CCDC192: variants seen among roughly 807,000 people sequenced by gnomAD.
CCDC192 encodes coiled-coil domain-containing protein 192.
chr5:127,806,427 C>CTTG (rs1757785110), intron 5 of CCDC192, among the ~76,000 whole-genome samples: 1 of 152,162 alleles, frequency 6.6e-6, no homozygotes, highest in African/African-American at 2.4e-5. Context: ...CCTACCGCCC[C>CTTG]CAGCTACCGT....
intron 2 of CCDC192, among the ~76,000 whole-genome samples, chr5:127,729,937 A>T (rs888415747): frequency 6.6e-6 from 1 of 152,162 alleles, no homozygotes; most frequent in Non-Finnish European, 1.5e-5. Context: ...TCTCAAATCG[A>T]CATCGTAATA....
At chr5:127,776,471 C>T (rs1389973444) in intron 3 of CCDC192, among the ~76,000 whole-genome samples, 1 of 152,182 alleles carries the variant, frequency 6.6e-6, no homozygotes, top group Non-Finnish European at 1.5e-5. Context: ...CATAAAAGTT[C>T]AGAAAATTTG....
intron 6 of CCDC192, among the ~76,000 whole-genome samples, chr5:127,910,724 C>T (rs1046555242): frequency 6.6e-6 from 1 of 152,168 alleles, no homozygotes; most frequent in Non-Finnish European, 1.5e-5. Context: ...AAGTAGAGGA[C>T]CACTGACTCT....
chr5:127,837,774 G>A (rs936306682), intron 5 of CCDC192, among the ~76,000 whole-genome samples: 7 of 152,172 alleles, frequency 4.6e-5, no homozygotes, highest in Non-Finnish European at 8.8e-5. Flanking sequence ...CAGATCATGA[G>A]GTCGGGAGAT....
intron 2 of CCDC192, among the ~76,000 whole-genome samples, chr5:127,739,364 A>C (rs970826785): frequency 6.6e-6 from 1 of 152,076 alleles, no homozygotes; most frequent in Non-Finnish European, 1.5e-5. Flanking sequence ...AAGTCTGCAG[A>C]GGTTACTGCT....
intron 2 of CCDC192, among the ~76,000 whole-genome samples, chr5:127,717,856 A>G (rs1286746814): frequency 6.7e-6 from 1 of 149,210 alleles, no homozygotes; most frequent in Non-Finnish European, 1.5e-5. Flanking sequence ...TGGAAGTAAA[A>G]TCATATTATG....
intron 5 of CCDC192, among the ~76,000 whole-genome samples, chr5:127,848,041 G>A (rs1010500544): frequency 2.0e-5 from 3 of 150,888 alleles, no homozygotes; most frequent in Admixed American, 2.0e-4. Flanking sequence ...CAAGTGATTC[G>A]CCTGCCTCAG....
chr5:127,747,556 G>A (rs1437197899), intron 2 of CCDC192, among the ~76,000 whole-genome samples: 49 of 151,690 alleles, frequency 3.2e-4, no homozygotes, highest in Non-Finnish European at 4.1e-4. Flanking sequence ...GAATAATGCC[G>A]CAATAAACAT....
chr5:127,887,576 C>T (rs1288202801), intron 6 of CCDC192, among the ~76,000 whole-genome samples: 4 of 152,064 alleles, frequency 2.6e-5, no homozygotes. Flanking sequence ...CTGCCAAAAC[C>T]TCTGGAAAAT....
rs183568574 is a variant in CCDC192, at chr5:127,839,793, G to T, written c.412-35745G>T. On this transcript the variant is annotated intron_variant, in intron 5 of 6. Coordinates refer to ENST00000514853, the MANE Select transcript of CCDC192 (RefSeq NM_001317938.2). The stretch of plus-strand genomic sequence containing the variant: ...CACACTAAGAGTCTATGGATTGTAA[G>T]ATATATATATATATATGATCCTTTT... Among the ~76,000 whole-genome samples, 473 of 148,704 alleles carry T rather than the reference G, an allele frequency of 3.2e-3. 3 individuals carry two copies. Among genetic ancestry groups the T allele is most frequent in the Non-Finnish European group, 5.5e-3 (368 of 66,998 alleles).
chr5:127,800,530 A>G (rs563227840), intron 5 of CCDC192, among the ~76,000 whole-genome samples: 1 of 152,190 alleles, frequency 6.6e-6, no homozygotes, highest in African/African-American at 2.4e-5. Flanking sequence ...AAAGAGTTTG[A>G]TTATGAATGG....
intron 3 of CCDC192, chr5:127,785,103 C>G (rs956017237): frequency 1.9e-6 from 1 of 518,568 alleles, no homozygotes; most frequent in South Asian, 1.4e-5. Flanking sequence ...CTGTGTTGTA[C>G]TGAAGCAGGA....
intron 3 of CCDC192, among the ~76,000 whole-genome samples, chr5:127,756,179 A>G (rs1754580796): frequency 6.6e-6 from 1 of 152,060 alleles, no homozygotes; most frequent in Non-Finnish European, 1.5e-5. Flanking sequence ...TTGATGAAAT[A>G]TTTTTATCCA....
intron 6 of CCDC192, among the ~76,000 whole-genome samples, chr5:127,884,211 C>T (rs1266152376): frequency 5.9e-5 from 9 of 151,600 alleles, no homozygotes; most frequent in African/African-American, 1.4e-4. Context: ...GGCGTGGTGG[C>T]GGGCGCCTGT....
At chr5:127,936,128 A>C (rs1754180240) in intron 6 of CCDC192, among the ~76,000 whole-genome samples, 2 of 152,178 alleles carry the variant, frequency 1.3e-5, no homozygotes, top group South Asian at 4.1e-4. Context: ...AAAAGAAAAA[A>C]AATTATCAAA....
intron 6 of CCDC192, among the ~76,000 whole-genome samples, chr5:127,881,662 G>T (rs1046486567): frequency 6.6e-6 from 1 of 152,200 alleles, no homozygotes; most frequent in Non-Finnish European, 1.5e-5. Flanking sequence ...GGAAATAAAC[G>T]ATTTAAGTCG....
chr5:127,827,463 A>T (rs1561510434), intron 5 of CCDC192, among the ~76,000 whole-genome samples: 1 of 152,140 alleles, frequency 6.6e-6, no homozygotes, highest in East Asian at 1.9e-4. Context: ...AAATTAGCTT[A>T]TTTTTATTAT....
chr5:127,874,515 C>A (rs1055231612), intron 5 of CCDC192, among the ~76,000 whole-genome samples: 1 of 152,146 alleles, frequency 6.6e-6, no homozygotes, highest in Non-Finnish European at 1.5e-5. Flanking sequence ...ATTGATTTTA[C>A]TGGTGTTACT....
At chr5:127,772,697 T>A (rs1755632653) in intron 3 of CCDC192, among the ~76,000 whole-genome samples, 1 of 152,164 alleles carries the variant, frequency 6.6e-6, no homozygotes, top group Non-Finnish European at 1.5e-5. Context: ...CATACCCGTG[T>A]CAGAAATGAT....
Sources: gnomAD v4.1 joint callset for allele counts (sites outside exome capture counted in the v4.1 genomes callset) on GRCh38, gnomAD v4.1.1 for gene constraint, MANE v1.5 for transcripts, NCBI Gene and HGNC (gene_info 2026-07-23, HGNC 2026-07-21) for gene names.